Variants in RPS6KC1 observed in about 807,000 individuals in gnomAD.
RPS6KC1 encodes ribosomal protein S6 kinase C1, also known as inactive ribosomal protein S6 kinase delta-1.
A neutral mutation model predicts 103.8 loss-of-function variants in RPS6KC1; 54 were observed. The observed-to-expected ratio is 0.52, with a 90% CI of 0.42 to 0.65. The LOEUF (loss-of-function observed/expected upper bound fraction) is 0.65. RPS6KC1 is among the 30% of genes least tolerant of loss of function. The pLI is 0.00. For missense variants in RPS6KC1, 1,151 were observed against 1,253.8 expected (o/e 0.92, Z 1.24); for synonymous variants, 439 against 438.7 (o/e 1.00, Z -0.01).
chr1:213,258,863 G>T (rs2094713589), intron 12 of RPS6KC1, among the ~76,000 whole-genome samples: 1 of 152,182 alleles, frequency 6.6e-6, no homozygotes, highest in Non-Finnish European at 1.5e-5. Flanking sequence ...AATGGGAATG[G>T]GGGTGAGGGT....
chr1:213,679,590 C>T, the RPS6KC1 span, among the ~76,000 whole-genome samples: 1 of 152,226 alleles, frequency 6.6e-6, no homozygotes, highest in African/African-American at 2.4e-5. Context: ...GTCATCACAA[C>T]TCACCAGAGT....
At chr1:213,812,971 G>C in the RPS6KC1 span, among the ~76,000 whole-genome samples, 1 of 152,070 alleles carries the variant, frequency 6.6e-6, no homozygotes, top group Non-Finnish European at 1.5e-5. Context: ...TAAAGATGTC[G>C]GCCGGGCACG....
the RPS6KC1 span, among the ~76,000 whole-genome samples, chr1:213,299,081 C>T: frequency 6.6e-6 from 1 of 152,112 alleles, no homozygotes; most frequent in Non-Finnish European, 1.5e-5. Context: ...ACATGTGGTC[C>T]CTAAAGCATG....
chr1:213,133,227 T>C (rs1320500482), intron 6 of RPS6KC1, among the ~76,000 whole-genome samples: 2 of 152,184 alleles, frequency 1.3e-5, no homozygotes, highest in African/African-American at 2.4e-5. Context: ...TGTTGCAATA[T>C]ATATATCACA....
At chr1:213,412,933 G>C in the RPS6KC1 span, among the ~76,000 whole-genome samples, 111,515 of 152,154 alleles carry the variant, frequency 0.73, 41,169 homozygotes, top group Non-Finnish European at 0.77. Context: ...AATTCAGCAG[G>C]CTTTGGTCAA....
At chr1:213,817,223 C>T in the RPS6KC1 span, among the ~76,000 whole-genome samples, 4 of 152,268 alleles carry the variant, frequency 2.6e-5, no homozygotes, top group African/African-American at 4.8e-5. Flanking sequence ...CAAACCCCAA[C>T]GCACGCATAG....
chr1:213,793,779 A>G, the RPS6KC1 span, among the ~76,000 whole-genome samples: 39 of 152,212 alleles, frequency 2.6e-4, no homozygotes, highest in Non-Finnish European at 4.7e-4. Flanking sequence ...TTTCTGTCTG[A>G]TGAGTAGGAC....
At chr1:213,434,831 G>A in the RPS6KC1 span, among the ~76,000 whole-genome samples, 1 of 151,946 alleles carries the variant, frequency 6.6e-6, no homozygotes, top group Non-Finnish European at 1.5e-5. Flanking sequence ...CACTGGTATA[G>A]GACAATTAGA....
chr1:213,244,738 C>T (rs1263269282), intron 12 of RPS6KC1, among the ~76,000 whole-genome samples: 3 of 152,080 alleles, frequency 2.0e-5, no homozygotes, highest in African/African-American at 7.2e-5. Flanking sequence ...ATTTTTAAGC[C>T]TTGTCCCAGA....
In RPS6KC1 at chr1:213,251,698, A is replaced by G. The variant is rs954436997; in HGVS notation, c.2911+9040A>G. On this transcript the variant is annotated intron_variant, in intron 12 of 14. Coordinates refer to ENST00000366960, the MANE Select transcript of RPS6KC1 (RefSeq NM_012424.6). ...GACTTGATGTAGATCTGCATGCTCA[A>G]TGGAACTTAAAGAAAACAAATGTGA... Among the ~76,000 whole-genome samples the G allele has an allele frequency of 5.3e-5, 8 of 151,996 alleles. No individual in the cohort carries two copies. In the South Asian group the frequency reaches 1.2e-3, roughly 24 times the overall value.
At chr1:213,336,066 C>A in the RPS6KC1 span, among the ~76,000 whole-genome samples, 1 of 152,138 alleles carries the variant, frequency 6.6e-6, no homozygotes, top group African/African-American at 2.4e-5. Flanking sequence ...AAAATCAACA[C>A]GGAGTCAAGT....
intron 12 of RPS6KC1, among the ~76,000 whole-genome samples, chr1:213,258,715 G>A (rs1037555557): frequency 9.2e-5 from 14 of 152,316 alleles, no homozygotes; most frequent in Middle Eastern, 3.4e-3. Flanking sequence ...TTTTAGACTG[G>A]AAGGAAATGT....
the RPS6KC1 span, among the ~76,000 whole-genome samples, chr1:213,286,184 A>G: frequency 6.6e-6 from 1 of 152,238 alleles, no homozygotes; most frequent in East Asian, 1.9e-4. Context: ...AGATGTTTTT[A>G]TCTTTGAATC....
At chr1:213,484,522 C>T in the RPS6KC1 span, among the ~76,000 whole-genome samples, 33 of 152,328 alleles carry the variant, frequency 2.2e-4, no homozygotes, top group African/African-American at 7.2e-4. Context: ...GGTGAGAGAG[C>T]GAGCACCCCT....
the RPS6KC1 span, among the ~76,000 whole-genome samples, chr1:213,535,964 A>C: frequency 6.6e-6 from 1 of 152,144 alleles, no homozygotes; most frequent in Non-Finnish European, 1.5e-5. Context: ...GCGAGAACAA[A>C]GCTGAGGTTC....
In RPS6KC1 at chr1:213,127,368, G is replaced by A. The variant is rs372932456; in HGVS notation, c.473-2159G>A. ...CAATGCTAATTTTTCCTAAGTAGTAGAAACTGTTACATTTTGTTAAATCTT... is the reference window on the plus strand; with the variant it reads ...CAATGCTAATTTTTCCTAAGTAGTAAAAACTGTTACATTTTGTTAAATCTT... On this transcript the variant is annotated intron_variant, in intron 5 of 14. Transcript: ENST00000366960. Among the ~76,000 whole-genome samples, 6 of 152,172 alleles carry A rather than the reference G, an allele frequency of 3.9e-5. No homozygotes were observed. In the East Asian group the frequency reaches 1.2e-3, roughly 29 times the overall value.
At chr1:213,853,752 C>T in the RPS6KC1 span, among the ~76,000 whole-genome samples, 4 of 152,200 alleles carry the variant, frequency 2.6e-5, no homozygotes, top group African/African-American at 9.6e-5. Context: ...GAAGGGGATT[C>T]AGGTTGGATT....
At chr1:213,393,515 C>T in the RPS6KC1 span, among the ~76,000 whole-genome samples, 4 of 152,168 alleles carry the variant, frequency 2.6e-5, no homozygotes, top group Non-Finnish European at 5.9e-5. Context: ...ATTTAAAGAC[C>T]TTCTGAGCAA....
the RPS6KC1 span, among the ~76,000 whole-genome samples, chr1:213,749,262 C>A: frequency 6.6e-6 from 1 of 152,110 alleles, no homozygotes; most frequent in Non-Finnish European, 1.5e-5. Context: ...GAGTGTTTGG[C>A]GGGCAGAAGG....
Sources: gnomAD v4.1 joint callset for allele counts (sites outside exome capture counted in the v4.1 genomes callset) on GRCh38, gnomAD v4.1.1 for gene constraint, MANE v1.5 for transcripts, NCBI Gene and HGNC (gene_info 2026-07-23, HGNC 2026-07-21) for gene names.